Variants in FILIP1 observed in about 807,000 individuals in gnomAD.
FILIP1 encodes the protein filamin A interacting protein 1.
In FILIP1, 61 loss-of-function variants were observed where a neutral mutation model predicts 102.1. The observed-to-expected ratio is 0.60, with a 90% CI of 0.49 to 0.74. The LOEUF is 0.74. Ranked by LOEUF, FILIP1 falls within the 30% of genes least tolerant of loss-of-function variation. The pLI is 0.00. For synonymous variants in FILIP1, 491 were observed against 526.9 expected, an observed-to-expected ratio of 0.93 and a Z score of 0.93; for missense variants, 1,314 against 1,441.2, an observed-to-expected ratio of 0.91 and a Z score of 1.43.
intron 3 of FILIP1, among the ~76,000 whole-genome samples, chr6:75,356,910 G>A (rs1266364238): frequency 6.6e-6 from 1 of 152,174 alleles, no homozygotes. Context: ...AACGTGTCAA[G>A]CATTGCTGAA....
At chr6:75,328,140 C>T (rs1424130473) in intron 4 of FILIP1, among the ~76,000 whole-genome samples, 1 of 152,098 alleles carries the variant, frequency 6.6e-6, no homozygotes, top group Non-Finnish European at 1.5e-5. Context: ...GAAGACATAT[C>T]AACCAATTGT....
chr6:75,413,505 GTTGT>G (rs1777147102), intron 2 of FILIP1, among the ~76,000 whole-genome samples: 1 of 152,016 alleles, frequency 6.6e-6, no homozygotes, highest in Non-Finnish European at 1.5e-5. Flanking sequence ...AGTTTTGTAT[GTTGT>G]TTGTTTTTCT....
chr6:75,385,595 C>G (rs1359646413), intron 2 of FILIP1: 1 of 152,048 alleles, frequency 6.6e-6, no homozygotes, highest in African/African-American at 2.4e-5. Flanking sequence ...CAATATTTTA[C>G]CTTAATTTTC....
At chr6:75,346,440 AC>A (rs757098836) in intron 4 of FILIP1, among the ~76,000 whole-genome samples, 1 of 152,090 alleles carries the variant, frequency 6.6e-6, no homozygotes, top group African/African-American at 2.4e-5. Flanking sequence ...TCCATCCAAG[AC>A]CCAGCATTTT....
At chr6:75,449,576 T>C (rs577145483) in intron 1 of FILIP1, among the ~76,000 whole-genome samples, 1 of 151,552 alleles carries the variant, frequency 6.6e-6, no homozygotes, top group Admixed American at 6.6e-5. Context: ...AGCCCAGGAG[T>C]TCAAGACCAG....
intron 1 of FILIP1, among the ~76,000 whole-genome samples, chr6:75,420,845 T>A (rs1019964649): frequency 6.6e-6 from 1 of 152,164 alleles, no homozygotes. Context: ...CATAATCTGT[T>A]TAAGGACATT....
chr6:75,344,733 T>C (rs1002006342), intron 4 of FILIP1, among the ~76,000 whole-genome samples: 1 of 152,328 alleles, frequency 6.6e-6, no homozygotes, highest in Middle Eastern at 3.4e-3. Flanking sequence ...GACAGCAATG[T>C]GAAAGGAGCT....
intron 1 of FILIP1, among the ~76,000 whole-genome samples, chr6:75,421,082 A>G (rs937597154): frequency 1.3e-5 from 2 of 152,214 alleles, no homozygotes; most frequent in African/African-American, 4.8e-5. Context: ...CACTAAAATA[A>G]TAAAATTTTC....
At chr6:75,481,462 CACAGCTAACCT>C (rs1162112716) in intron 1 of FILIP1, among the ~76,000 whole-genome samples, 1 of 152,162 alleles carries the variant, frequency 6.6e-6, no homozygotes, top group Non-Finnish European at 1.5e-5. Flanking sequence ...GCTCTTCCTC[CACAGCTAACCT>C]GTTCCTGATT....
intron 4 of FILIP1, among the ~76,000 whole-genome samples, chr6:75,334,265 T>G (rs1351028134): frequency 2.0e-5 from 3 of 152,060 alleles, no homozygotes; most frequent in Admixed American, 2.0e-4. Flanking sequence ...CTCCCCAAGG[T>G]TTCTGTAGGA....
chr6:75,491,154 A>G (rs1275378214), intron 1 of FILIP1, among the ~76,000 whole-genome samples: 2 of 152,150 alleles, frequency 1.3e-5, no homozygotes, highest in African/African-American at 4.8e-5. Context: ...AAAGTGGAAG[A>G]CCCTGATCTG....
At chr6:75,375,407 C>A (rs1361594656) in intron 2 of FILIP1, among the ~76,000 whole-genome samples, 1 of 152,122 alleles carries the variant, frequency 6.6e-6, no homozygotes, top group Non-Finnish European at 1.5e-5. Flanking sequence ...TCGCTGTGCA[C>A]TTACAGGGGC....
At chr6:75,340,927 C>A (rs1774401877) in intron 4 of FILIP1, among the ~76,000 whole-genome samples, 1 of 141,320 alleles carries the variant, frequency 7.1e-6, no homozygotes. Flanking sequence ...TGATCTCGAA[C>A]TCCTGACCTC....
intron 1 of FILIP1, among the ~76,000 whole-genome samples, chr6:75,486,307 A>T (rs1422031938): frequency 2.6e-5 from 4 of 152,110 alleles, no homozygotes; most frequent in Non-Finnish European, 4.4e-5. Flanking sequence ...ACATTGCCCC[A>T]TCAACAACTG....
chr6:75,442,145 C>G (rs1778281958), intron 1 of FILIP1, among the ~76,000 whole-genome samples: 1 of 152,050 alleles, frequency 6.6e-6, no homozygotes, highest in Non-Finnish European at 1.5e-5. Context: ...CTCCCCACAG[C>G]TCAGACAATG....
Position 75,414,574 on chromosome 6 carries a change from T to A in FILIP1, c.276+123A>T, listed in dbSNP as rs776328543. 3 of 922,856 alleles carry A rather than the reference T, an allele frequency of 3.3e-6. No individual in the cohort carries two copies. In the East Asian group the frequency reaches 7.3e-5, roughly 22 times the overall value. 57.2% of individuals were successfully genotyped at this position (922,856 alleles called of 1,614,324 possible). A position where few individuals can be genotyped will look rare whatever the true frequency, so the allele number is the denominator to read the frequency against. ...GTGCCAGGCACTAGGGATTTAGAAA[T>A]AAGGGAAACATTCTCCTTTCCCCAT... On this transcript the variant is annotated intron_variant, in intron 2 of 5. Coordinates refer to ENST00000237172, the MANE Select transcript of FILIP1 (RefSeq NM_015687.5).
chr6:75,362,391 T>G (rs1775197596), intron 3 of FILIP1, among the ~76,000 whole-genome samples: 4 of 152,224 alleles, frequency 2.6e-5, no homozygotes, highest in Non-Finnish European at 5.9e-5. Flanking sequence ...GGTTACCAAT[T>G]TTGTAAGAAT....
chr6:75,435,449 C>T (rs1562595113), intron 1 of FILIP1, among the ~76,000 whole-genome samples: 1 of 152,216 alleles, frequency 6.6e-6, no homozygotes, highest in Non-Finnish European at 1.5e-5. Context: ...ACAATTAAAT[C>T]ATGTTTGATT....
chr6:75,459,826 A>G (rs1183078028), intron 1 of FILIP1, among the ~76,000 whole-genome samples: 2 of 152,198 alleles, frequency 1.3e-5, no homozygotes. Flanking sequence ...GAGAATTAGA[A>G]GATAATTTTC....
Sources: allele counts gnomAD v4.1 joint callset (sites outside exome capture counted in the v4.1 genomes callset), GRCh38; gene constraint gnomAD v4.1.1; transcripts MANE v1.5; gene names NCBI Gene and HGNC (gene_info 2026-07-23, HGNC 2026-07-21).